The following PADI1 variants were observed in gnomAD, a reference collection of about 807,000 sequenced individuals.
PADI1 encodes protein-arginine deiminase type-1.
Under a neutral mutation model 74.8 loss-of-function variants are expected in PADI1, and 65 were observed. That is an observed-to-expected ratio of 0.87 (90% confidence interval 0.71 to 1.07). The LOEUF (loss-of-function observed/expected upper bound fraction) is 1.07, where lower values mean the gene tolerates loss of function less well. Among genes scored for constraint, PADI1 ranks in the 50% least tolerant of loss-of-function variants. The pLI, the probability that PADI1 is intolerant of heterozygous loss-of-function variation, is 0.00. For synonymous variants in PADI1, 371 were observed against 336.2 expected, an observed-to-expected ratio of 1.10 and a Z score of -1.13; for missense variants, 943 against 854.0, an observed-to-expected ratio of 1.10 and a Z score of -1.30.
intron 6 of PADI1, among the ~76,000 whole-genome samples, chr1:17,227,730 G>T (rs973841301): frequency 6.6e-6 from 1 of 152,102 alleles, no homozygotes; most frequent in Admixed American, 6.5e-5. Flanking sequence ...GAGCCAGAAT[G>T]TTCCCTCCCA....
chr1:17,235,474 T>C (rs1315500979), intron 11 of PADI1, among the ~76,000 whole-genome samples: 1 of 152,096 alleles, frequency 6.6e-6, no homozygotes, highest in Non-Finnish European at 1.5e-5. Flanking sequence ...AGGAGGGGGC[T>C]CTGCGGGTCC....
chr1:17,229,656 C>T lies in PADI1; in HGVS notation c.930-429C>T, dbSNP rs545711531. Among the ~76,000 whole-genome samples, 242 of 152,304 alleles carry T rather than the reference C, an allele frequency of 1.6e-3. 1 individual carries two copies. Among genetic ancestry groups the T allele is most frequent in the South Asian group, 9.1e-3 (44 of 4,818 alleles). ...GCCAAACAGGTTTGCTCTGCTTCCC[C>T]GGGTCTAGGTGTGTGTAGGTGTTAA... On this transcript the variant is annotated intron_variant, in intron 8 of 15. Transcript: ENST00000375471.
intron 6 of PADI1, 113 bp downstream of exon 6, chr1:17,226,271 C>A: frequency 1.8e-6 from 2 of 1,140,002 alleles, no homozygotes; most frequent in Non-Finnish European, 1.3e-6. Context: ...TTACAGCTTA[C>A]AAACAACCAC....
intron 1 of PADI1, among the ~76,000 whole-genome samples, chr1:17,218,394 C>A (rs913172128): frequency 3.3e-5 from 5 of 152,146 alleles, no homozygotes; most frequent in Non-Finnish European, 7.3e-5. Context: ...TTTGCCAGCA[C>A]ACCACTGCCT....
intron 1 of PADI1, among the ~76,000 whole-genome samples, chr1:17,217,725 T>G (rs1039841559): frequency 6.6e-6 from 1 of 152,210 alleles, no homozygotes; most frequent in African/African-American, 2.4e-5. Context: ...CTGAGTCCAA[T>G]GATGTTGGGC....
At chr1:17,211,329 C>T (rs1463151300) in intron 1 of PADI1, among the ~76,000 whole-genome samples, 1 of 152,160 alleles carries the variant, frequency 6.6e-6, no homozygotes, top group Non-Finnish European at 1.5e-5. Context: ...TCTCCCTCCA[C>T]CATGCCCAGC....
At chr1:17,231,971 C>A (rs2072502254) in intron 10 of PADI1, among the ~76,000 whole-genome samples, 1 of 152,014 alleles carries the variant, frequency 6.6e-6, no homozygotes, top group African/African-American at 2.4e-5. Context: ...AGGAGTCTCA[C>A]ACTGTTGCCT....
At chr1:17,206,677 CTTTTTCTT>C (rs2071690809) in intron 1 of PADI1, among the ~76,000 whole-genome samples, 5 of 120,218 alleles carry the variant, frequency 4.2e-5, no homozygotes, top group African/African-American at 3.5e-5. Flanking sequence ...TCTTTTTTTT[CTTTTTCTT>C]TTTTTTTTTT....
chr1:17,244,033 G>C lies in PADI1; in HGVS notation c.1782G>C (p.Lys594Asn). ...AGGTTAACATGGTGGTCTTAGGCAA[G>C]TACCTGGGCATCCCCAAGCCCTACG... ...PDMVNMVVLG[K>N]YLGIPKPYGP... The change falls in exon 16 of 16, where the codon AAG (lysine) becomes AAC (asparagine). Residue 594 changes from lysine (K) to asparagine (N), a missense_variant. Lys to Asn is a moderately conservative substitution (Grantham distance 94). Transcript: ENST00000375471. 6.2e-7 allele frequency: 1 copy of C among 1,613,996 alleles called. No homozygotes were observed. The highest frequency in any genetic ancestry group is 8.5e-7 in the Non-Finnish European group (1 of 1,179,878).
intron 11 of PADI1, among the ~76,000 whole-genome samples, chr1:17,233,561 G>A (rs1168240334): frequency 1.3e-5 from 2 of 152,232 alleles, no homozygotes; most frequent in African/African-American, 4.8e-5. Context: ...AGGTGGCGAT[G>A]TCTGTTAGGT....
chr1:17,232,377 G>A (rs58217427), intron 10 of PADI1, among the ~76,000 whole-genome samples: 11,937 of 152,238 alleles, frequency 0.078, 558 homozygotes, highest in South Asian at 0.13. Context: ...GGAGCTGGGA[G>A]CACAGGCTTG....
chr1:17,230,779 C>A (rs1474771511), intron 10 of PADI1, 100 bp downstream of exon 10: 4 of 695,372 alleles, frequency 5.8e-6, no homozygotes, highest in Admixed American at 2.7e-5. Flanking sequence ...GCTCAGAGAA[C>A]AGGAAGAGGG....
At chr1:17,242,898 C>G (rs2072806113) in intron 15 of PADI1, among the ~76,000 whole-genome samples, 1 of 152,008 alleles carries the variant, frequency 6.6e-6, no homozygotes, top group African/African-American at 2.4e-5. Context: ...CCCACCCCCA[C>G]TCCCACCCCA....
intron 1 of PADI1, among the ~76,000 whole-genome samples, chr1:17,212,854 G>A (rs368673738): frequency 7.9e-5 from 12 of 152,200 alleles, no homozygotes; most frequent in South Asian, 4.1e-4. Flanking sequence ...CACCCCCCTC[G>A]CCTTGCCGCT....
intron 1 of PADI1, among the ~76,000 whole-genome samples, chr1:17,214,881 C>T (rs561839984): frequency 1.3e-3 from 191 of 152,342 alleles, no homozygotes; most frequent in African/African-American, 4.2e-3. Context: ...TCAAAGGCAG[C>T]GCAGGGCTCA....
At chr1:17,238,495 T>C (rs2977310) in intron 12 of PADI1, 121 bp from the exon 13 acceptor site, 215,886 of 438,168 alleles carry the variant, frequency 0.49, 54,210 homozygotes, top group African/African-American at 0.6. Context: ...GGCTGGGGTG[T>C]AGACCGAGTG....
chr1:17,211,607 G>A (rs977656725), intron 1 of PADI1, among the ~76,000 whole-genome samples: 2 of 152,222 alleles, frequency 1.3e-5, no homozygotes, highest in Non-Finnish European at 2.9e-5. Flanking sequence ...GCCCACAAAT[G>A]CCAGAGCTGG....
chr1:17,218,544 G>A (rs1008321268), intron 1 of PADI1, among the ~76,000 whole-genome samples: 4 of 152,162 alleles, frequency 2.6e-5, no homozygotes, highest in Admixed American at 2.6e-4. Context: ...TGGGCCAAGT[G>A]CCTCTGACAG....
At chr1:17,224,564 T>A (rs2072257111) in intron 4 of PADI1, 136 bp downstream of exon 4, 1 of 701,830 alleles carries the variant, frequency 1.4e-6, no homozygotes, top group Non-Finnish European at 2.6e-6. Flanking sequence ...AGGGAACCCA[T>A]CTGGGACAGC....
Sources: gnomAD v4.1 joint callset for allele counts (sites outside exome capture counted in the v4.1 genomes callset) on GRCh38, gnomAD v4.1.1 for gene constraint, MANE v1.5 for transcripts, NCBI Gene and HGNC (gene_info 2026-07-23, HGNC 2026-07-21) for gene names.